PIP4P1: variants seen among roughly 807,000 people sequenced by gnomAD.
PIP4P1 encodes phosphatidylinositol-4,5-bisphosphate 4-phosphatase 1.
Under a neutral mutation model 32.3 loss-of-function variants are expected in PIP4P1, and 14 were observed. The ratio of observed to expected loss-of-function variants is 0.43; its 90% CI spans 0.29 to 0.68. The LOEUF (loss-of-function observed/expected upper bound fraction) is 0.68. Among genes scored for constraint, PIP4P1 ranks in the 30% least tolerant of loss-of-function variants. The pLI is 0.15. For synonymous variants in PIP4P1, 132 were observed against 137.9 expected (o/e 0.96, Z 0.30); for missense variants, 289 against 364.5 (o/e 0.79, Z 1.69).
At chr14:20,460,601 A>AGGG in intron 2 of PIP4P1, 54 bp downstream of exon 2, 1 of 1,585,540 alleles carries the variant, frequency 6.3e-7, no homozygotes, top group Non-Finnish European at 8.6e-7. Flanking sequence ...GAACCAAGAC[A>AGGG]TCAGAAAGAG....
rs746666824 is a variant in PIP4P1 at position 20,458,675 on chromosome 14, A to G, written c.718T>C (p.Tyr240His). ...GCCCAGGCTGCATAGATGCCTCCATATCGCCGTGCATGCTTCCATGTGCCA... is the reference window on the plus strand; with the variant it reads ...GCCCAGGCTGCATAGATGCCTCCATGTCGCCGTGCATGCTTCCATGTGCCA... ...AFGTWKHARR[Y>H]GGIYAAWAFV... The change falls in exon 7 of 7, where the codon TAT (tyrosine) becomes CAT (histidine). Residue 240 changes from tyrosine (Y) to histidine (H), a missense_variant. Tyr to His is a moderately conservative substitution (Grantham distance 83, BLOSUM62 2). Coordinates refer to ENST00000250489, the MANE Select transcript of PIP4P1 (RefSeq NM_144568.4). 4 of 1,613,356 alleles carry G rather than the reference A, an allele frequency of 2.5e-6. No individual in the cohort carries two copies. Among genetic ancestry groups the G allele is most frequent in the Non-Finnish European group, 3.4e-6 (4 of 1,179,792 alleles).
chr14:20,460,274 TC>T lies in PIP4P1; in HGVS notation c.357del (p.Lys121AsnfsTer15), dbSNP rs769006375. On this transcript the variant is annotated frameshift_variant, in exon 3 of 7. Transcript: ENST00000250489. LOFTEE classifies it high-confidence loss of function. ...TTACAGGGGCATCGAACATATTTTT[TC>T]CCTGGGGGTGCATTCTTGATTGGCT... The part of the protein sequence containing the change: ...EATPIKNAPP[G>X]KKYVRCPCNC... The T allele has an allele frequency of 1.2e-6, 2 of 1,613,966 alleles. No individual in the cohort carries two copies. Among genetic ancestry groups the T allele is most frequent in the African/African-American group, 2.7e-5 (2 of 74,924 alleles).
rs147037164 is a variant in PIP4P1, at chr14:20,457,869, C to G, written c.*690G>C. 7.4e-5 allele frequency: 27 copies of G among 362,846 alleles called. No homozygotes were observed. Among genetic ancestry groups the G allele is most frequent in the Middle Eastern group, 9.8e-4 (1 of 1,018 alleles). 22.5% of individuals were successfully genotyped at this position (362,846 alleles called of 1,614,324 possible). A position where few individuals can be genotyped will look rare whatever the true frequency, so the allele number is the denominator to read the frequency against. On this transcript the variant is annotated 3_prime_UTR_variant, in exon 7 of 7. Coordinates refer to ENST00000250489, the MANE Select transcript of PIP4P1 (RefSeq NM_144568.4). Reference sequence around the variant, plus strand: ...CAACTGAAAAAGCGTAGAGTCATGACCTTATTTATTTACAAGCACAGGATA... The same window carrying G: ...CAACTGAAAAAGCGTAGAGTCATGAGCTTATTTATTTACAAGCACAGGATA...
At position 20,458,478 on chromosome 14, in the gene PIP4P1, G is replaced by T; in HGVS notation, c.*81C>A. ...TGGCTTCCTTCTAGAAGCCCCGGGA[G>T]CCTTTAACTACCCCAGCTCCCTTCG... is the stretch of plus-strand genomic sequence containing the variant. On this transcript the variant is annotated 3_prime_UTR_variant, in exon 7 of 7. Transcript: ENST00000250489. 1 of 1,594,596 alleles carries T rather than the reference G, an allele frequency of 6.3e-7. No individual in the cohort carries two copies. The highest frequency in any genetic ancestry group is 1.3e-5 in the African/African-American group (1 of 74,454).
chr14:20,460,907 G>A, intron 1 of PIP4P1, 62 bp from the exon 2 acceptor site: 1 of 1,478,228 alleles, frequency 6.8e-7, no homozygotes, highest in South Asian at 1.4e-5. Flanking sequence ...CTCCACGGTG[G>A]TAGGGAAGTC....
In PIP4P1 at chr14:20,458,558, C is replaced by A; in HGVS notation, c.*1G>T. 1 of 1,613,066 alleles carries A rather than the reference C, an allele frequency of 6.2e-7. No homozygotes were observed. Among genetic ancestry groups the A allele is most frequent in the Admixed American group, 1.7e-5 (1 of 59,932 alleles). ...CAGGCACAGTCTGTGGGTCATCAGG[C>A]TCAGGAGAAGTTCTGGACAGGGTGG... On this transcript the variant is annotated 3_prime_UTR_variant, in exon 7 of 7. Coordinates refer to ENST00000250489, the MANE Select transcript of PIP4P1 (RefSeq NM_144568.4).
At position 20,458,714 on chromosome 14, in the gene PIP4P1, A is replaced by C. The variant is rs766118899; in HGVS notation, c.691-12T>G. On this transcript the variant is annotated splice_polypyrimidine_tract_variant and intron_variant, in intron 6 of 6. Transcript: ENST00000250489. ...TTCCATGTGCCAAACTGATGAAGAT[A>C]AGGAGGGAGAAGAAAAGAAAGATGG... is the stretch of plus-strand genomic sequence containing the variant. 6 of 1,605,534 alleles carry C rather than the reference A, an allele frequency of 3.7e-6. No homozygotes were observed. The South Asian group carries it at 5.6e-5, about 15-fold the overall frequency.
In PIP4P1 at chr14:20,461,403, G is replaced by GCCGCCA. The variant is rs1303074594; in HGVS notation, c.-84_-79dup. 204 of 1,217,862 alleles carry GCCGCCA rather than the reference G, an allele frequency of 1.7e-4. No homozygotes were observed. In the African/African-American group the frequency reaches 1.7e-3, roughly 10 times the overall value. The allele number at this position is 1,217,862 out of a possible 1,614,324, so 75.4% of individuals were successfully genotyped here. ...TGCCGTCGCCGCAGCCACCGCCACC[G>GCCGCCA]CCGCCACCGCCACCGCCGCTACCGG... On this transcript the variant is annotated 5_prime_UTR_variant, in exon 1 of 7. Transcript: ENST00000250489.
Position 20,460,796 on chromosome 14 carries a change from G to A in PIP4P1, c.192C>T (p.Asp64=). The A allele has an allele frequency of 6.3e-7, 1 of 1,593,746 alleles. No homozygotes were observed. The highest frequency in any genetic ancestry group is 1.3e-5 in the African/African-American group (1 of 74,194). ...TAGTTAAGGGTGAATAGGGGGGTGG[G>A]TCCTCCCCAGGCAACACGGCTGGAT... The part of the protein sequence containing the change: ...EGHPAVLPGE[D]PPPYSPLTSP... Residue 64 remains aspartate (D), a synonymous_variant, in exon 2 of 7, where the codon GAC becomes GAT. Transcript: ENST00000250489.
In PIP4P1 at chr14:20,460,268, AT is replaced by A; in HGVS notation, c.363del (p.Lys121AsnfsTer15). 1 of 1,613,936 alleles carries A rather than the reference AT, an allele frequency of 6.2e-7. No individual in the cohort carries two copies. The highest frequency in any genetic ancestry group is 8.5e-7 in the Non-Finnish European group (1 of 1,179,954). On this transcript the variant is annotated frameshift_variant, in exon 3 of 7. Transcript: ENST00000250489. LOFTEE classifies it high-confidence loss of function. ...TPIKNAPPGK[K>X]YVRCPCNCLL... ...AGACAGTTACAGGGGCATCGAACAT[AT>A]TTTTTCCCTGGGGGTGCATTCTTGA...
chr14:20,458,411 G>C lies in PIP4P1; in HGVS notation c.*148C>G. The stretch of plus-strand genomic sequence containing the variant: ...CCCTCCAAACCTAAGTGAGGGCCTG[G>C]TTCCTTCCTACCTCTCCCCAGGGAA... On this transcript the variant is annotated 3_prime_UTR_variant, in exon 7 of 7. Coordinates refer to ENST00000250489, the MANE Select transcript of PIP4P1 (RefSeq NM_144568.4). 8.6e-7 allele frequency: 1 copy of C among 1,162,136 alleles called. No homozygotes were observed. The highest frequency in any genetic ancestry group is 1.3e-5 in the South Asian group (1 of 76,214). The allele number at this position is 1,162,136 out of a possible 1,614,324, so 72.0% of individuals were successfully genotyped here.
intron 1 of PIP4P1, 80 bp downstream of exon 1, chr14:20,461,104 C>G (rs1269725305): frequency 3.9e-6 from 5 of 1,271,802 alleles, no homozygotes; most frequent in Non-Finnish European, 5.0e-6. Flanking sequence ...CCCTCGGTCC[C>G]GCCCCCTCCC....
In PIP4P1 at chr14:20,461,240, C is replaced by A; in HGVS notation, c.86G>T (p.Gly29Val). ...GCCTCCCCCGGGCCCAGCCCCACTC[C>A]CGCCGGGCCCCACTAAACCGTTGCC... Reference protein sequence around the residue: ...AGGNGLVGPGGSGAGPGGGLT... With the variant: ...AGGNGLVGPGVSGAGPGGGLT... The change falls in exon 1 of 7, where the codon GGG becomes GTG. Residue 29 changes from glycine to valine, a missense_variant. Physicochemically the swap from Gly to Val is moderately radical, Grantham distance 109. Transcript: ENST00000250489. 1 of 1,264,744 alleles carries A rather than the reference C, an allele frequency of 7.9e-7. No individual in the cohort carries two copies. 78.3% of individuals were successfully genotyped at this position (1,264,744 alleles called of 1,614,324 possible).
intron 1 of PIP4P1, 46 bp from the exon 2 acceptor site, chr14:20,460,891 C>A (rs1255803581): frequency 6.7e-7 from 1 of 1,500,018 alleles, no homozygotes; most frequent in Non-Finnish European, 8.9e-7. Context: ...TACACCCCCA[C>A]TGATGCTCCA....
rs765202893 is a variant in PIP4P1 at position 20,458,609 on chromosome 14, G to C, written c.784C>G (p.Leu262Val). ...LLAVLCLGRALYWACMKVSHP... is the reference protein window; with the variant it reads ...LLAVLCLGRAVYWACMKVSHP... Reference sequence around the variant, plus strand: ...CTGACCTTCATACAGGCCCAATAAAGAGCCCGGCCCAAACACAGCACAGCC... The same window carrying C: ...CTGACCTTCATACAGGCCCAATAAACAGCCCGGCCCAAACACAGCACAGCC... Residue 262 changes from leucine to valine, a missense_variant, in exon 7 of 7, where the codon CTT becomes GTT. This residue lies in a region of PIP4P1 where 181 missense variants were observed against 263.3 expected (regional missense o/e 0.69). Transcript: ENST00000250489. 2.5e-6 allele frequency: 4 copies of C among 1,614,060 alleles called. No individual in the cohort carries two copies. Among genetic ancestry groups the C allele is most frequent in the South Asian group, 1.1e-5 (1 of 91,088 alleles).
rs764454695 is a variant in PIP4P1, at chr14:20,459,419, T to A, written c.568A>T (p.Thr190Ser). The change falls in exon 5 of 7, where the codon ACT becomes TCT. Residue 190 changes from threonine to serine, a missense_variant. This residue lies in a region of PIP4P1 where 181 missense variants were observed against 263.3 expected (regional missense o/e 0.69). Transcript: ENST00000250489. ...CTGCAGTGAGGACAACGTGCCAAAG[T>A]GCGGTCTGTGAACTCTGTCCACTAT... ...TFLWTEFTDR[T>S]LARCPHCRKV... The A allele has an allele frequency of 6.2e-7, 1 of 1,614,188 alleles. No individual in the cohort carries two copies. Among genetic ancestry groups the A allele is most frequent in the South Asian group, 1.1e-5 (1 of 91,086 alleles).
intron 1 of PIP4P1, 77 bp from the exon 2 acceptor site, chr14:20,460,922 T>A: frequency 6.9e-7 from 1 of 1,459,168 alleles, no homozygotes; most frequent in Non-Finnish European, 9.1e-7. Flanking sequence ...GAAGTCCTTC[T>A]GATCTTCAAC....
At position 20,458,025 on chromosome 14, in the gene PIP4P1, A is replaced by G. The variant is rs1392305676; in HGVS notation, c.*534T>C. 4.5e-5 allele frequency: 14 copies of G among 310,586 alleles called. No homozygotes were observed. Among genetic ancestry groups the G allele is most frequent in the Non-Finnish European group, 8.1e-5 (13 of 160,742 alleles). The allele number at this position is 310,586 out of a possible 1,614,324, so 19.2% of individuals were successfully genotyped here. On this transcript the variant is annotated 3_prime_UTR_variant, in exon 7 of 7. Transcript: ENST00000250489. ...AATAGGGGAACATATCCCACATTAAATAGTTATATACACATCAGTTCCTGT... is the reference window on the plus strand; with the variant it reads ...AATAGGGGAACATATCCCACATTAAGTAGTTATATACACATCAGTTCCTGT...
Position 20,460,643 on chromosome 14 carries a change from T to C in PIP4P1, c.333+12A>G, listed in dbSNP as rs376803423. On this transcript the variant is annotated intron_variant, in intron 2 of 6. Coordinates refer to ENST00000250489, the MANE Select transcript of PIP4P1 (RefSeq NM_144568.4). ...GGAAACAGGGCCCATTTCATAGATA[T>C]GTGTAACTCACGGTGGCTTCATTGC... The C allele has an allele frequency of 3.7e-5, 60 of 1,612,286 alleles. No individual in the cohort carries two copies. The highest frequency in any genetic ancestry group is 4.8e-5 in the Non-Finnish European group (57 of 1,179,666).
Sources: gnomAD v4.1 joint callset for allele counts on GRCh38, gnomAD v4.1.1 for gene constraint, gnomAD v4.1.1 regional missense constraint, MANE v1.5 for transcripts, NCBI Gene and HGNC (gene_info 2026-07-23, HGNC 2026-07-21) for gene names.